EDIL3: variants seen among roughly 807,000 people sequenced by gnomAD.
EDIL3 encodes the protein EGF like and discoidin domains 3.
A neutral mutation model predicts 67.4 loss-of-function variants in EDIL3; 37 were observed. That is an observed-to-expected ratio of 0.55 (90% CI 0.42 to 0.72). The LOEUF (loss-of-function observed/expected upper bound fraction) is 0.72, where lower values mean the gene tolerates loss of function less well. Ranked by LOEUF, EDIL3 falls within the 30% of genes least tolerant of loss-of-function variation. The pLI, the probability that EDIL3 is intolerant of heterozygous loss-of-function variation, is 0.00. For missense variants in EDIL3, 527 were observed against 586.3 expected, an observed-to-expected ratio of 0.90 and a Z score of 1.04; for synonymous variants, 195 against 196.3, an observed-to-expected ratio of 0.99 and a Z score of 0.05.
intron 3 of EDIL3, among the ~76,000 whole-genome samples, chr5:84,204,806 A>T (rs1171244031): frequency 2.4e-4 from 7 of 29,082 alleles, no homozygotes; most frequent in African/African-American, 6.0e-4. Context: ...CCAATATTTA[A>T]AAAAAAAAAA....
chr5:84,371,373 GTA>G (rs1747847618), intron 1 of EDIL3, among the ~76,000 whole-genome samples: 1 of 128,226 alleles, frequency 7.8e-6, no homozygotes, highest in Non-Finnish European at 1.7e-5. Flanking sequence ...GTGTATATAT[GTA>G]TGTGTGTATA....
intron 4 of EDIL3, among the ~76,000 whole-genome samples, chr5:84,162,098 A>G (rs1234882966): frequency 6.6e-6 from 1 of 152,068 alleles, no homozygotes; most frequent in Non-Finnish European, 1.5e-5. Context: ...ACAGTGACAC[A>G]TGGGAGGACA....
intron 1 of EDIL3, among the ~76,000 whole-genome samples, chr5:84,307,713 T>C (rs1012060238): frequency 6.6e-6 from 1 of 151,920 alleles, no homozygotes; most frequent in Non-Finnish European, 1.5e-5. Context: ...TTGATGAAAG[T>C]CCACAATTAG....
At chr5:83,959,237 G>GTA (rs578021532) in intron 10 of EDIL3, among the ~76,000 whole-genome samples, 3,445 of 146,672 alleles carry the variant, frequency 0.023, 157 homozygotes, top group African/African-American at 0.08. Flanking sequence ...ATATATATAC[G>GTA]TATATATATA....
chr5:84,102,410 T>C (rs936478501), intron 6 of EDIL3, among the ~76,000 whole-genome samples: 6 of 151,904 alleles, frequency 3.9e-5, no homozygotes, highest in South Asian at 4.1e-4. Context: ...ATTCCATATC[T>C]AGAAAACCCC....
chr5:84,129,452 C>T (rs573200561), intron 5 of EDIL3, among the ~76,000 whole-genome samples: 1 of 152,080 alleles, frequency 6.6e-6, no homozygotes, highest in African/African-American at 2.4e-5. Context: ...CAGATTTACC[C>T]ATAGTCAATT....
At chr5:84,355,701 T>C (rs1197330323) in intron 1 of EDIL3, among the ~76,000 whole-genome samples, 1 of 152,134 alleles carries the variant, frequency 6.6e-6, no homozygotes, top group Non-Finnish European at 1.5e-5. Context: ...GCTGGAGCTT[T>C]CCTGTATGAG....
In EDIL3 at chr5:84,106,667, G is replaced by A; in HGVS notation, c.633C>T (p.Asp211=). The part of the protein sequence containing the change: ...LINAWTAAEN[D]RWPWIQINLQ... ...CTGTTACCTGAATCCACGGCCATCT[G>A]TCATTTTCTGCAGCTGTCCACGCAT... The change falls in exon 6 of 11, where the codon GAC becomes GAT. Residue 211 remains aspartate, a synonymous_variant. Coordinates refer to ENST00000296591, the MANE Select transcript of EDIL3 (RefSeq NM_005711.5). 2 of 1,606,182 alleles carry A rather than the reference G, an allele frequency of 1.2e-6. No homozygotes were observed. The highest frequency in any genetic ancestry group is 1.7e-6 in the Non-Finnish European group (2 of 1,177,198).
intron 2 of EDIL3, among the ~76,000 whole-genome samples, chr5:84,242,094 T>C (rs984405899): frequency 1.8e-4 from 26 of 145,776 alleles, no homozygotes; most frequent in Admixed American, 8.2e-4. Context: ...TAGCCAGGCG[T>C]GGTGGTGGGC....
At chr5:84,196,671 A>G (rs994639156) in intron 3 of EDIL3, among the ~76,000 whole-genome samples, 129 of 152,000 alleles carry the variant, frequency 8.5e-4, no homozygotes, top group African/African-American at 3.0e-3. Context: ...TTAATTAAAT[A>G]TATCTCTGCT....
chr5:84,039,108 G>T (rs1241138688), intron 9 of EDIL3, among the ~76,000 whole-genome samples: 2 of 146,114 alleles, frequency 1.4e-5, no homozygotes, highest in African/African-American at 4.9e-5. Context: ...TAAAGACTGT[G>T]TTTTTTTTTT....
At chr5:84,308,653 CAG>C (rs1319197208) in intron 1 of EDIL3, among the ~76,000 whole-genome samples, 4 of 151,982 alleles carry the variant, frequency 2.6e-5, no homozygotes, top group Admixed American at 2.0e-4. Flanking sequence ...TAAAATAAAA[CAG>C]ACAGTAAATT....
chr5:84,142,414 T>C (rs1362291370), intron 4 of EDIL3, among the ~76,000 whole-genome samples: 2 of 152,122 alleles, frequency 1.3e-5, no homozygotes, highest in Non-Finnish European at 2.9e-5. Context: ...TAGTAAGTAA[T>C]TAATTAGTTT....
At chr5:84,078,558 T>C (rs1008917044) in intron 6 of EDIL3, 2 of 152,112 alleles carry the variant, frequency 1.3e-5, no homozygotes, top group Admixed American at 6.6e-5. Context: ...TGGGCTCACA[T>C]AGAGGAAGAG....
rs1294887240 is a variant in EDIL3 at position 84,312,455 on chromosome 5, G to T, written c.68-58243C>A. On this transcript the variant is annotated intron_variant, in intron 1 of 10. Transcript: ENST00000296591. ...GGGCTCCTCACTTCCCAGTAGGGGC[G>T]GCCGGGCAGAGGCGCTCCTCACCTC... Among the ~76,000 whole-genome samples the T allele has an allele frequency of 4.8e-5, 7 of 146,242 alleles. No homozygotes were observed. In the South Asian group the frequency reaches 1.5e-3, roughly 32 times the overall value.
At chr5:84,272,265 G>C (rs774561227) in intron 1 of EDIL3, among the ~76,000 whole-genome samples, 17 of 151,658 alleles carry the variant, frequency 1.1e-4, no homozygotes, top group Non-Finnish European at 1.8e-4. Context: ...TACTACCTAG[G>C]CAAATTTTCC....
intron 9 of EDIL3, among the ~76,000 whole-genome samples, chr5:83,983,583 G>A (rs1294323324): frequency 1.3e-5 from 2 of 151,952 alleles, no homozygotes; most frequent in Non-Finnish European, 2.9e-5. Flanking sequence ...TGGCAGCATT[G>A]TGCAATACAA....
At chr5:83,957,876 G>T (rs560504422) in intron 10 of EDIL3, among the ~76,000 whole-genome samples, 5 of 151,570 alleles carry the variant, frequency 3.3e-5, no homozygotes, top group Non-Finnish European at 5.9e-5. Flanking sequence ...TTCTCACATG[G>T]AATCTGCCAA....
chr5:84,083,577 C>T (rs1160162522), intron 6 of EDIL3, among the ~76,000 whole-genome samples: 1 of 151,992 alleles, frequency 6.6e-6, no homozygotes, highest in African/African-American at 2.4e-5. Flanking sequence ...TGCTAGGGTA[C>T]TAGCTAACAT....
Sources: allele counts gnomAD v4.1 joint callset (sites outside exome capture counted in the v4.1 genomes callset), GRCh38; gene constraint gnomAD v4.1.1; transcripts MANE v1.5; gene names NCBI Gene and HGNC (gene_info 2026-07-23, HGNC 2026-07-21).